NCAM2: variants seen among roughly 807,000 people sequenced by gnomAD.
NCAM2 encodes neural cell adhesion molecule 2, also known as N-CAM-2.
Under a neutral mutation model 98.1 loss-of-function variants are expected in NCAM2, and 30 were observed. The observed-to-expected ratio is 0.31, with a 90% CI of 0.23 to 0.41. NCAM2 has a LOEUF of 0.41. Among genes scored for constraint, NCAM2 ranks in the 10% least tolerant of loss-of-function variants. The probability of loss-of-function intolerance (pLI) is 1.00; values close to 1 mark genes in which losing one functional copy is unlikely to be tolerated. For synonymous variants in NCAM2, 368 were observed against 342.4 expected, an observed-to-expected ratio of 1.07 and a Z score of -0.83; for missense variants, 867 against 1,005.8, an observed-to-expected ratio of 0.86 and a Z score of 1.87.
chr21:21,405,675 A>G (rs956042914), intron 9 of NCAM2, among the ~76,000 whole-genome samples: 31 of 145,918 alleles, frequency 2.1e-4, no homozygotes, highest in Non-Finnish European at 2.7e-4. Context: ...GAATCAATTT[A>G]TTTGTAATTT....
chr21:21,498,443 CAGG>C (rs1375720226), intron 15 of NCAM2, among the ~76,000 whole-genome samples: 2 of 152,054 alleles, frequency 1.3e-5, no homozygotes, highest in Non-Finnish European at 2.9e-5. Context: ...TTGAAAATTA[CAGG>C]AGATTACATG....
At chr21:21,158,519 C>T (rs1300553123) in intron 1 of NCAM2, among the ~76,000 whole-genome samples, 1 of 151,776 alleles carries the variant, frequency 6.6e-6, no homozygotes, top group Non-Finnish European at 1.5e-5. Context: ...GCAGGAGAAT[C>T]GCTTGAACCC....
chr21:21,464,390 G>A (rs559150301), intron 12 of NCAM2, among the ~76,000 whole-genome samples: 7 of 152,052 alleles, frequency 4.6e-5, no homozygotes, highest in South Asian at 2.1e-4. Flanking sequence ...AGCATGGGGC[G>A]TATGAGCCTA....
In NCAM2 at chr21:21,324,402, G is replaced by T. The variant is rs573634516; in HGVS notation, c.639G>T (p.Met213Ile). 1 of 1,612,974 alleles carries T rather than the reference G, an allele frequency of 6.2e-7. No homozygotes were observed. The highest frequency in any genetic ancestry group is 1.7e-5 in the Admixed American group (1 of 59,936). Reference protein sequence around the residue: ...VIVNVPPAISMPQKSFNATAE... With the variant: ...VIVNVPPAISIPQKSFNATAE... ...CTTCAGTGCCGCCAGCAATCTCAAT[G>T]CCTCAGAAATCTTTTAATGCCACAG... Residue 213 changes from methionine to isoleucine, a missense_variant, in exon 6 of 18, where the codon ATG becomes ATT. Coordinates refer to ENST00000400546, the MANE Select transcript of NCAM2 (RefSeq NM_004540.5).
At chr21:21,534,710 A>G (rs1569144952) in intron 17 of NCAM2, 54 bp downstream of exon 17, 2 of 1,392,980 alleles carry the variant, frequency 1.4e-6, no homozygotes, top group African/African-American at 1.5e-5. Context: ...CAAAATGATA[A>G]CACATTATTA....
At chr21:21,229,641 A>G (rs2147177220) in intron 1 of NCAM2, among the ~76,000 whole-genome samples, 1 of 151,570 alleles carries the variant, frequency 6.6e-6, no homozygotes, top group East Asian at 1.9e-4. Context: ...GTTGTCTTCC[A>G]GATTAAGTGC....
At chr21:21,425,627 T>C (rs2077199785) in intron 11 of NCAM2, among the ~76,000 whole-genome samples, 1 of 150,810 alleles carries the variant, frequency 6.6e-6, no homozygotes. Context: ...TTCAGTTTAA[T>C]TCATGGATGT....
intron 14 of NCAM2, among the ~76,000 whole-genome samples, chr21:21,476,253 G>A (rs896818196): frequency 2.6e-5 from 4 of 152,058 alleles, no homozygotes; most frequent in African/African-American, 7.2e-5. Flanking sequence ...TGCAATGATA[G>A]ATTATTAGAT....
At chr21:21,326,632 T>C (rs1411883006) in intron 6 of NCAM2, among the ~76,000 whole-genome samples, 1 of 152,128 alleles carries the variant, frequency 6.6e-6, no homozygotes, top group Admixed American at 6.5e-5. Context: ...TTATATAGAC[T>C]AGTATAAATC....
At chr21:21,509,775 G>A (rs920852070) in intron 16 of NCAM2, among the ~76,000 whole-genome samples, 1 of 151,994 alleles carries the variant, frequency 6.6e-6, no homozygotes, top group Admixed American at 6.6e-5. Context: ...CATAGATATA[G>A]ATCTAATTTC....
At position 21,078,486 on chromosome 21, in the gene NCAM2, A is replaced by G. The variant is rs181421507; in HGVS notation, c.55+79868A>G. ...TCTTGCAAATCAAAACCACAATGCA[A>G]TACCATTGCATGCCAGTCAAAATGG... On this transcript the variant is annotated intron_variant, in intron 1 of 17. Coordinates refer to ENST00000400546, the MANE Select transcript of NCAM2 (RefSeq NM_004540.5). Among the ~76,000 whole-genome samples the G allele has an allele frequency of 2.6e-5, 4 of 152,362 alleles. No homozygotes were observed. The East Asian group carries it at 5.8e-4, about 22-fold the overall frequency.
intron 1 of NCAM2, among the ~76,000 whole-genome samples, chr21:21,042,288 G>T (rs1023739544): frequency 2.6e-5 from 4 of 152,026 alleles, no homozygotes; most frequent in African/African-American, 9.7e-5. Context: ...AGGTTCACAC[G>T]ATTCTCCTGC....
At chr21:21,086,198 G>C (rs897865606) in intron 1 of NCAM2, among the ~76,000 whole-genome samples, 2 of 152,182 alleles carry the variant, frequency 1.3e-5, no homozygotes, top group African/African-American at 4.8e-5. Context: ...TCAGGAAGGT[G>C]ATGTGTCACC....
intron 5 of NCAM2, among the ~76,000 whole-genome samples, chr21:21,314,716 T>C (rs553006487): frequency 6.6e-6 from 1 of 152,138 alleles, no homozygotes; most frequent in Non-Finnish European, 1.5e-5. Context: ...ATTCTTTATG[T>C]TTGATAACTC....
At chr21:21,237,949 CTTTTTTTTTTTTTT>C (rs71195313) in intron 1 of NCAM2, among the ~76,000 whole-genome samples, 1 of 114,488 alleles carries the variant, frequency 8.7e-6, no homozygotes, top group Admixed American at 1.0e-4. Flanking sequence ...CATTGTAATT[CTTTTTTTTTTTTTT>C]TTTTTTTTTT....
At chr21:21,327,825 T>C (rs1225124042) in intron 6 of NCAM2, among the ~76,000 whole-genome samples, 3 of 152,114 alleles carry the variant, frequency 2.0e-5, no homozygotes, top group Non-Finnish European at 4.4e-5. Flanking sequence ...GTTCATAACA[T>C]CAATAAGATA....
intron 11 of NCAM2, among the ~76,000 whole-genome samples, chr21:21,419,032 C>T (rs1038015958): frequency 1.3e-5 from 2 of 152,044 alleles, no homozygotes; most frequent in Non-Finnish European, 2.9e-5. Context: ...TTTTCCAAAA[C>T]CTTAGACTTT....
chr21:21,463,269 C>G (rs529902733), intron 12 of NCAM2, among the ~76,000 whole-genome samples: 1 of 152,156 alleles, frequency 6.6e-6, no homozygotes, highest in African/African-American at 2.4e-5. Context: ...GGCTTTGCCT[C>G]CTCCAAATCT....
chr21:21,484,888 A>T (rs1186395390), intron 15 of NCAM2, among the ~76,000 whole-genome samples: 1 of 152,188 alleles, frequency 6.6e-6, no homozygotes, highest in Non-Finnish European at 1.5e-5. Flanking sequence ...CTTGTACTTG[A>T]AACTTAAGCC....
Sources: allele counts gnomAD v4.1 joint callset (sites outside exome capture counted in the v4.1 genomes callset), GRCh38; gene constraint gnomAD v4.1.1; transcripts MANE v1.5; gene names NCBI Gene and HGNC (gene_info 2026-07-23, HGNC 2026-07-21).